SNX5: variants seen among roughly 807,000 people sequenced by gnomAD.
The protein encoded by SNX5 is sorting nexin-5.
Under a neutral mutation model 53.9 loss-of-function variants are expected in SNX5, and 31 were observed. The ratio of observed to expected loss-of-function variants is 0.58; its 90% CI spans 0.43 to 0.78. The LOEUF is 0.78. SNX5 is among the 30% of genes least tolerant of loss of function. The probability of loss-of-function intolerance (pLI) is 0.00; values close to 1 mark genes in which losing one functional copy is unlikely to be tolerated. For missense variants in SNX5, 471 were observed against 478.8 expected, an observed-to-expected ratio of 0.98 and a Z score of 0.15; for synonymous variants, 168 against 171.1, an observed-to-expected ratio of 0.98 and a Z score of 0.14.
chr20:17,967,483 G>A (rs1479583767), intron 1 of SNX5, among the ~76,000 whole-genome samples: 1 of 152,178 alleles, frequency 6.6e-6, no homozygotes, highest in African/African-American at 2.4e-5. Context: ...GTTTCTCTAT[G>A]GAGGTGCCTT....
chr20:17,945,808 G>A (rs1389271459), intron 11 of SNX5, among the ~76,000 whole-genome samples: 1 of 152,180 alleles, frequency 6.6e-6, no homozygotes, highest in Admixed American at 6.5e-5. Flanking sequence ...AATCTATAAA[G>A]TCTAGGTTTC....
chr20:17,967,955 A>G (rs1040863157), intron 1 of SNX5: 1 of 397,498 alleles, frequency 2.5e-6, no homozygotes, highest in Non-Finnish European at 4.4e-6. Flanking sequence ...AAGTCTTCTC[A>G]GTAAAAGGTG....
chr20:17,966,860 T>C (rs973773310), intron 1 of SNX5, among the ~76,000 whole-genome samples: 2 of 152,170 alleles, frequency 1.3e-5, no homozygotes, highest in Non-Finnish European at 2.9e-5. Flanking sequence ...CATAACACCA[T>C]CTAGGCCAGA....
rs909417820 is a variant in SNX5, at chr20:17,968,674, G to C, written c.-249C>G. The stretch of plus-strand genomic sequence containing the variant: ...CCCCGCTGCCGTCCATCTTGGAGCC[G>C]GGCAAAGACGCCACGTGGGGCCTAC... On this transcript the variant is annotated 5_prime_UTR_variant, in exon 1 of 13. Coordinates refer to ENST00000377759, the MANE Select transcript of SNX5 (RefSeq NM_014426.4). 2 of 584,784 alleles carry C rather than the reference G, an allele frequency of 3.4e-6. No individual in the cohort carries two copies. 36.2% of individuals were successfully genotyped at this position (584,784 alleles called of 1,614,324 possible).
At chr20:17,945,909 CTAAG>C (rs1368106927) in intron 11 of SNX5, among the ~76,000 whole-genome samples, 1 of 152,132 alleles carries the variant, frequency 6.6e-6, no homozygotes, top group South Asian at 2.1e-4. Context: ...TAGGAAAAAA[CTAAG>C]TAAGATATGA....
chr20:17,965,345 T>C (rs1007756087), intron 1 of SNX5, among the ~76,000 whole-genome samples: 12 of 152,256 alleles, frequency 7.9e-5, no homozygotes, highest in African/African-American at 2.9e-4. Context: ...AGAAACTGAA[T>C]TTTAAACTCA....
chr20:17,947,890 T>G (rs1258062583), intron 10 of SNX5, among the ~76,000 whole-genome samples: 1 of 139,338 alleles, frequency 7.2e-6, no homozygotes, highest in Non-Finnish European at 1.6e-5. Context: ...AGAAGGACTT[T>G]TGTTTTCCAG....
intron 1 of SNX5, among the ~76,000 whole-genome samples, chr20:17,959,643 A>G (rs906121738): frequency 6.6e-6 from 1 of 152,228 alleles, no homozygotes; most frequent in Non-Finnish European, 1.5e-5. Flanking sequence ...CCAGGCCATC[A>G]TTAACTCAAT....
intron 1 of SNX5, among the ~76,000 whole-genome samples, chr20:17,959,605 A>C (rs947398268): frequency 1.3e-5 from 2 of 152,242 alleles, no homozygotes; most frequent in Non-Finnish European, 2.9e-5. Flanking sequence ...ACTGTCTAAA[A>C]GAGAGTATTG....
At chr20:17,961,203 T>A in intron 1 of SNX5, 1 of 985,448 alleles carries the variant, frequency 1.0e-6, no homozygotes, top group South Asian at 4.7e-5. Flanking sequence ...CTGCAGCTGT[T>A]GAGCTCCTGC....
chr20:17,952,165 G>A (rs2039579551), intron 5 of SNX5, among the ~76,000 whole-genome samples: 1 of 152,196 alleles, frequency 6.6e-6, no homozygotes, highest in African/African-American at 2.4e-5. Context: ...GGAGCTTGCA[G>A]TAAGCCGAGA....
chr20:17,951,605 GA>G lies in SNX5; in HGVS notation c.514-11del. 6.4e-7 allele frequency: 1 copy of G among 1,574,698 alleles called. No homozygotes were observed. Among genetic ancestry groups the G allele is most frequent in the South Asian group, 1.1e-5 (1 of 90,006 alleles). On this transcript the variant is annotated splice_polypyrimidine_tract_variant and intron_variant, in intron 5 of 12. Coordinates refer to ENST00000377759, the MANE Select transcript of SNX5 (RefSeq NM_014426.4). ...TCCGCCTAACACTTAGCTAAAAGAA[GA>G]AAATTCCAAAGAGTTTATATGGTAT...
At chr20:17,967,485 A>C (rs1246244321) in intron 1 of SNX5, among the ~76,000 whole-genome samples, 1 of 152,186 alleles carries the variant, frequency 6.6e-6, no homozygotes, top group Non-Finnish European at 1.5e-5. Flanking sequence ...TTCTCTATGG[A>C]GGTGCCTTTA....
intron 1 of SNX5, among the ~76,000 whole-genome samples, chr20:17,959,637 G>A (rs1346397798): frequency 1.3e-5 from 2 of 152,092 alleles, no homozygotes; most frequent in African/African-American, 4.8e-5. Flanking sequence ...CAGCATCCAG[G>A]CCATCATTAA....
intron 6 of SNX5, chr20:17,951,200 G>A (rs2039563179): frequency 9.9e-6 from 3 of 301,828 alleles, no homozygotes; most frequent in African/African-American, 4.3e-5. Context: ...CTGAGAGTGG[G>A]ATAAAATACT....
chr20:17,967,784 G>A (rs1484769495), intron 1 of SNX5: 1 of 321,958 alleles, frequency 3.1e-6, no homozygotes, highest in African/African-American at 2.1e-5. Context: ...TTACATCAAT[G>A]GGCAAGACTT....
At chr20:17,960,353 T>C (rs943399330) in intron 1 of SNX5, among the ~76,000 whole-genome samples, 3 of 151,404 alleles carry the variant, frequency 2.0e-5, no homozygotes, top group African/African-American at 4.9e-5. Flanking sequence ...CCCAGCACTT[T>C]GGGAGGTGGA....
At position 17,955,387 on chromosome 20, in the gene SNX5, G is replaced by A. The variant is rs1568593211; in HGVS notation, c.245C>T (p.Thr82Ile). 1 of 1,612,924 alleles carries A rather than the reference G, an allele frequency of 6.2e-7. No homozygotes were observed. The highest frequency in any genetic ancestry group is 1.3e-5 in the African/African-American group (1 of 74,908). The change falls in exon 3 of 13, where the codon ACA (threonine) becomes ATA (isoleucine). Residue 82 changes from threonine (T) to isoleucine (I), a missense_variant. Physicochemically the swap from Thr to Ile is moderately conservative, Grantham distance 89. Transcript: ENST00000377759. ...FVWLHDTLIE[T>I]TDYAGLIIPP... ...CACAATAAGCCCAGCATAGTCTGTTGTTTCAATAAGAGTGTCATGTAGCCA... is the reference window on the plus strand; with the variant it reads ...CACAATAAGCCCAGCATAGTCTGTTATTTCAATAAGAGTGTCATGTAGCCA...
At chr20:17,952,392 G>A (rs1424843193) in intron 5 of SNX5, among the ~76,000 whole-genome samples, 195 bp downstream of exon 5, 1 of 152,136 alleles carries the variant, frequency 6.6e-6, no homozygotes, top group East Asian at 1.9e-4. Flanking sequence ...CCTAGGTTTT[G>A]GAAGGGGAAA....
Sources: gnomAD v4.1 joint callset for allele counts (sites outside exome capture counted in the v4.1 genomes callset) on GRCh38, gnomAD v4.1.1 for gene constraint, MANE v1.5 for transcripts, NCBI Gene and HGNC (gene_info 2026-07-23, HGNC 2026-07-21) for gene names.